The following CHRNA3 variants were observed in gnomAD, a reference collection of about 807,000 sequenced individuals.
CHRNA3 encodes the protein neuronal acetylcholine receptor subunit alpha-3.
In CHRNA3, 34 loss-of-function variants were observed where a neutral mutation model predicts 41.9. The ratio of observed to expected loss-of-function variants is 0.81; its 90% CI spans 0.62 to 1.08. The LOEUF (loss-of-function observed/expected upper bound fraction) is 1.08, where lower values mean the gene tolerates loss of function less well. Among genes scored for constraint, CHRNA3 ranks in the 50% least tolerant of loss-of-function variants. CHRNA3 has a pLI of 0.00. For synonymous variants in CHRNA3, 281 were observed against 265.2 expected, an observed-to-expected ratio of 1.06 and a Z score of -0.58; for missense variants, 542 against 638.3, an observed-to-expected ratio of 0.85 and a Z score of 1.63.
At chr15:78,617,937 C>A (rs956420748) in intron 3 of CHRNA3, among the ~76,000 whole-genome samples, 1 of 152,196 alleles carries the variant, frequency 6.6e-6, no homozygotes, top group African/African-American at 2.4e-5. Context: ...ACAGCAGCAT[C>A]TTATTCTGAC....
intron 3 of CHRNA3, chr15:78,618,261 T>C: frequency 4.1e-6 from 1 of 242,094 alleles, no homozygotes; most frequent in South Asian, 7.0e-5. Flanking sequence ...AAAAACTGAG[T>C]TTTTAGCAAG....
rs577696833 is a variant in CHRNA3 at position 78,620,965 on chromosome 15, G to C, written c.-171C>G. ...CCGCCGCTGGGTTTCCAGCGCCCTC[G>C]GACCCGCGGGAGGACAGGAACCATC... is the stretch of plus-strand genomic sequence containing the variant. On this transcript the variant is annotated 5_prime_UTR_variant, in exon 1 of 6. Coordinates refer to ENST00000326828, the MANE Select transcript of CHRNA3 (RefSeq NM_000743.5). The C allele has an allele frequency of 4.4e-6, 4 of 904,394 alleles. No homozygotes were observed. In the East Asian group the frequency reaches 1.5e-4, roughly 34 times the overall value. 56.0% of individuals were successfully genotyped at this position (904,394 alleles called of 1,614,324 possible).
intron 4 of CHRNA3, among the ~76,000 whole-genome samples, chr15:78,606,203 G>A (rs2053284475): frequency 6.6e-6 from 1 of 151,854 alleles, no homozygotes; most frequent in Non-Finnish European, 1.5e-5. Context: ...GCAGTCACCT[G>A]TAGTCCCAGC....
At chr15:78,616,960 TG>T in intron 4 of CHRNA3, 63 bp downstream of exon 4, 1 of 1,141,104 alleles carries the variant, frequency 8.8e-7, no homozygotes, top group Non-Finnish European at 1.3e-6. Context: ...TTAAGCACAG[TG>T]GGCCAAAAAC....
In CHRNA3 at chr15:78,596,664, C is replaced by G; in HGVS notation, c.1458G>C (p.Val486=). The stretch of plus-strand genomic sequence containing the variant: ...ACAATCCTGCTGTCCCTAGAATGCA[C>G]ACCAGGGTGAAAACCCACAGAAAAA... ...DRIFLWVFTL[V]CILGTAGLFL... Residue 486 remains valine (V), a synonymous_variant, in exon 6 of 6, where the codon GTG becomes GTC. Transcript: ENST00000326828. The G allele has an allele frequency of 1.2e-6, 2 of 1,613,206 alleles. No homozygotes were observed. Among genetic ancestry groups the G allele is most frequent in the Non-Finnish European group, 1.7e-6 (2 of 1,179,900 alleles).
chr15:78,617,065 A>G lies in CHRNA3; in HGVS notation c.336T>C (p.Pro112=), dbSNP rs776712876. The G allele has an allele frequency of 6.2e-7, 1 of 1,613,904 alleles. No individual in the cohort carries two copies. Among genetic ancestry groups the G allele is most frequent in the Non-Finnish European group, 8.5e-7 (1 of 1,179,936 alleles). ...DYGGAEFMRV[P]AQKIWKPDIV... ...TGTCTGGCTTCCAGATCTTCTGTGC[A>G]GGGACACGCATGAACTCTGCCCCAC... Residue 112 remains proline, a synonymous_variant, in exon 4 of 6, where the codon CCT becomes CCC. Coordinates refer to ENST00000326828, the MANE Select transcript of CHRNA3 (RefSeq NM_000743.5).
At chr15:78,600,332 C>G (rs947857203) in intron 5 of CHRNA3, among the ~76,000 whole-genome samples, 3 of 152,170 alleles carry the variant, frequency 2.0e-5, no homozygotes, top group African/African-American at 7.2e-5. Flanking sequence ...GCCTCAGCCT[C>G]CTAAAGTGCT....
chr15:78,601,315 C>T lies in CHRNA3; in HGVS notation c.1327G>A (p.Glu443Lys), dbSNP rs962021157. The change falls in exon 5 of 6, where the codon GAA becomes AAA. Residue 443 changes from glutamate (E) to lysine (K), a missense_variant. Coordinates refer to ENST00000326828, the MANE Select transcript of CHRNA3 (RefSeq NM_000743.5). The stretch of plus-strand genomic sequence containing the variant: ...ATATACTTGACACTTTGGATGGCTT[C>T]TTTGATTTCTGGTGACAAAGCAGAG... ...SLSALSPEIK[E>K]AIQSVKYIAE... is the part of the protein sequence containing the mutation. The T allele has an allele frequency of 6.2e-7, 1 of 1,614,184 alleles. No homozygotes were observed. The highest frequency in any genetic ancestry group is 1.7e-5 in the Admixed American group (1 of 60,010).
Position 78,620,871 on chromosome 15 carries a change from G to C in CHRNA3, c.-77C>G, listed in dbSNP as rs1439448323. On this transcript the variant is annotated 5_prime_UTR_variant, in exon 1 of 6. Transcript: ENST00000326828. ...GGTCGCAGAGACGGCCTCTCCCCGC[G>C]CGGCTCCAGCGCAGACCCCAGACCT... 1 of 1,316,030 alleles carries C rather than the reference G, an allele frequency of 7.6e-7. No individual in the cohort carries two copies. Among genetic ancestry groups the C allele is most frequent in the Non-Finnish European group, 9.6e-7 (1 of 1,040,836 alleles). 81.5% of individuals were successfully genotyped at this position (1,316,030 alleles called of 1,614,324 possible). A position where few individuals can be genotyped will look rare whatever the true frequency, so the allele number is the denominator to read the frequency against.
downstream of CHRNA3, chr15:78,595,200 T>C: frequency 1.3e-6 from 1 of 768,042 alleles, no homozygotes; most frequent in African/African-American, 1.9e-5. Context: ...TTAGTTCGTA[T>C]ACATCCCTGA....
intron 4 of CHRNA3, among the ~76,000 whole-genome samples, chr15:78,616,229 T>G (rs1459799942): frequency 2.6e-5 from 4 of 151,802 alleles, no homozygotes; most frequent in Non-Finnish European, 4.4e-5. Context: ...AGCACGTGCC[T>G]GTAATCCCAG....
At chr15:78,618,735 C>T (rs201332375) in intron 2 of CHRNA3, 41 bp downstream of exon 2, 3 of 1,614,154 alleles carry the variant, frequency 1.9e-6, no homozygotes, top group Non-Finnish European at 2.5e-6. Flanking sequence ...CTCCAGAAGC[C>T]CCGGTCCCCA....
intron 4 of CHRNA3, among the ~76,000 whole-genome samples, chr15:78,609,716 T>G (rs1442255230): frequency 1.3e-5 from 2 of 152,074 alleles, no homozygotes; most frequent in Non-Finnish European, 2.9e-5. Flanking sequence ...AGGACCAAAT[T>G]CACACATAAC....
chr15:78,602,175 T>C lies in CHRNA3; in HGVS notation c.467A>G (p.Lys156Arg). 6.2e-7 allele frequency: 1 copy of C among 1,614,140 alleles called. No individual in the cohort carries two copies. The highest frequency in any genetic ancestry group is 8.5e-7 in the Non-Finnish European group (1 of 1,180,024). The change falls in exon 5 of 6, where the codon AAG (lysine) becomes AGG (arginine). Residue 156 changes from lysine to arginine, a missense_variant. By Grantham distance (26) the Lys-to-Arg change is conservative (BLOSUM62 2). Transcript: ENST00000326828. ...EVTWIPPAIF[K>R]SSCKIDVTYF... is the part of the protein sequence containing the mutation. ...GGTCACGTCGATTTTACAGGAGCTC[T>C]TAAAGATGGCCGGAGGTATCCAAGT...
At chr15:78,596,762 AC>A in intron 5 of CHRNA3, 30 bp from the exon 6 acceptor site, 2 of 1,586,536 alleles carry the variant, frequency 1.3e-6, no homozygotes, top group Non-Finnish European at 8.5e-7. Context: ...AAGAAAAAAA[AC>A]ATGGAGGGAA....
chr15:78,606,853 C>G (rs2141332269), intron 4 of CHRNA3, among the ~76,000 whole-genome samples: 1 of 152,072 alleles, frequency 6.6e-6, no homozygotes, highest in East Asian at 1.9e-4. Flanking sequence ...GAGCTGAGAT[C>G]ATGCCACCAC....
In CHRNA3 at chr15:78,595,927, A is replaced by G. The variant is rs2053100391; in HGVS notation, c.*677T>C. ...GAAGAGGACCCTCACCAGACACCAAATTTGCTGGTGCCTTGACCTTGGACC... is the reference window on the plus strand; with the variant it reads ...GAAGAGGACCCTCACCAGACACCAAGTTTGCTGGTGCCTTGACCTTGGACC... On this transcript the variant is annotated 3_prime_UTR_variant, in exon 6 of 6. Transcript: ENST00000326828. 1 of 376,930 alleles carries G rather than the reference A, an allele frequency of 2.7e-6. No homozygotes were observed. The highest frequency in any genetic ancestry group is 3.6e-6 in the Non-Finnish European group (1 of 274,912). The allele number at this position is 376,930 out of a possible 1,614,324, so 23.3% of individuals were successfully genotyped here. A position where few individuals can be genotyped will look rare whatever the true frequency, so the allele number is the denominator to read the frequency against.
chr15:78,595,354 C>G lies in CHRNA3; in HGVS notation c.*1250G>C, dbSNP rs200944612. 1.2e-5 allele frequency: 11 copies of G among 932,450 alleles called. No individual in the cohort carries two copies. Among genetic ancestry groups the G allele is most frequent in the African/African-American group, 2.6e-5 (1 of 38,654 alleles). The allele number at this position is 932,450 out of a possible 1,614,324, so 57.8% of individuals were successfully genotyped here. On this transcript the variant is annotated 3_prime_UTR_variant, in exon 6 of 6. Transcript: ENST00000326828. ...TTTTGCACAGGAAAAACTAGTGAGA[C>G]AAGATTCAAACAGTCTCTGTGAATC...
rs1270253688 is a variant in CHRNA3 at position 78,617,194 on chromosome 15, C to T, written c.268-61G>A. 4.4e-6 allele frequency: 5 copies of T among 1,138,396 alleles called. No homozygotes were observed. In the Admixed American group the frequency reaches 7.6e-5, roughly 17 times the overall value. 70.5% of individuals were successfully genotyped at this position (1,138,396 alleles called of 1,614,324 possible). On this transcript the variant is annotated intron_variant, in intron 3 of 5. Transcript: ENST00000326828. ...TAAAAGAATCAGCCTGGTTTTACTT[C>T]CCGTGGCACCACCCATCTTGGTGAC...
Sources: gnomAD v4.1 joint callset for allele counts (sites outside exome capture counted in the v4.1 genomes callset) on GRCh38, gnomAD v4.1.1 for gene constraint, MANE v1.5 for transcripts, NCBI Gene and HGNC (gene_info 2026-07-23, HGNC 2026-07-21) for gene names.